The following MYO18A variants were observed in gnomAD, a reference collection of about 807,000 sequenced individuals.
The protein encoded by MYO18A is unconventional myosin-XVIIIa.
A neutral mutation model predicts 235.8 loss-of-function variants in MYO18A; 78 were observed. The ratio of observed to expected loss-of-function variants is 0.33; its 90% CI spans 0.28 to 0.40. The LOEUF (loss-of-function observed/expected upper bound fraction) is 0.40, where lower values mean the gene tolerates loss of function less well. Among genes scored for constraint, MYO18A ranks in the 10% least tolerant of loss-of-function variants. MYO18A has a pLI of 1.00. For synonymous variants in MYO18A, 977 were observed against 1,077.8 expected, an observed-to-expected ratio of 0.91 and a Z score of 1.83; for missense variants, 2,215 against 2,699.3, an observed-to-expected ratio of 0.82 and a Z score of 3.98.
Position 29,073,295 on chromosome 17 carries a change from G to A in MYO18A, c.*1475C>T, listed in dbSNP as rs2065907507. On this transcript the variant is annotated 3_prime_UTR_variant, in exon 42 of 42. Coordinates refer to ENST00000527372, the MANE Select transcript of MYO18A (RefSeq NM_078471.4). ...CTAGGCTCTTCACATAAAAGGTGGG[G>A]CTTGTGTCTTCCTTGGCCAATCCCC... 1 of 152,596 alleles carries A rather than the reference G, an allele frequency of 6.6e-6. No homozygotes were observed. Among genetic ancestry groups the A allele is most frequent in the Non-Finnish European group, 1.5e-5 (1 of 68,366 alleles). The allele number at this position is 152,596 out of a possible 1,614,324, so 9.5% of individuals were successfully genotyped here.
chr17:29,079,887 G>A (rs937971388), intron 41 of MYO18A: 1 of 985,812 alleles, frequency 1.0e-6, no homozygotes, highest in Admixed American at 6.1e-5. Flanking sequence ...TGTGGCTGGA[G>A]ACGGTCGAGC....
At chr17:29,092,598 G>A in intron 33 of MYO18A, 142 bp from the exon 34 acceptor site, 1 of 812,566 alleles carries the variant, frequency 1.2e-6, no homozygotes. Flanking sequence ...GCTGTGTGGT[G>A]GTGCACGCGT....
At chr17:29,133,461 TC>T (rs1459606107) in intron 2 of MYO18A, among the ~76,000 whole-genome samples, 9 of 152,090 alleles carry the variant, frequency 5.9e-5, no homozygotes, top group Non-Finnish European at 1.2e-4. Flanking sequence ...CAGCGGTCCC[TC>T]CACAGCAGCC....
At chr17:29,162,676 C>A (rs1159459790) in intron 2 of MYO18A, among the ~76,000 whole-genome samples, 1 of 152,222 alleles carries the variant, frequency 6.6e-6, no homozygotes, top group Non-Finnish European at 1.5e-5. Context: ...GGATTATGTG[C>A]TGCTCACCGC....
chr17:29,121,600 G>A lies in MYO18A; in HGVS notation c.1318C>T (p.Pro440Ser). Residue 440 changes from proline to serine, a missense_variant, in exon 5 of 42, where the codon CCC becomes TCC. Physicochemically the swap from Pro to Ser is moderately conservative, Grantham distance 74 (BLOSUM62 -1). Transcript: ENST00000527372. The surrounding 1 kb of genome is among the most constrained non-coding windows in gnomAD (Gnocchi z 4.2). Reference sequence around the variant, plus strand: ...CGGGGGCCAAGAACCAGCAGGCTGGGGCCAGCATACGTGTGCAGCAGGCTA... The same window carrying A: ...CGGGGGCCAAGAACCAGCAGGCTGGAGCCAGCATACGTGTGCAGCAGGCTA... ...GASLLHTYAG[P>S]SLLVLGPRGA... 6.3e-7 allele frequency: 1 copy of A among 1,599,762 alleles called. No individual in the cohort carries two copies. Among genetic ancestry groups the A allele is most frequent in the East Asian group, 2.3e-5 (1 of 44,214 alleles).
intron 2 of MYO18A, among the ~76,000 whole-genome samples, chr17:29,145,795 C>T (rs2067834776): frequency 6.6e-6 from 1 of 152,138 alleles, no homozygotes; most frequent in Non-Finnish European, 1.5e-5. Context: ...AAGTCAGGGA[C>T]GTCAATAACA....
At position 29,169,084 on chromosome 17, in the gene MYO18A, C is replaced by T. The variant is rs973489985; in HGVS notation, c.-81-2063G>A. 2.0e-5 allele frequency among the ~76,000 whole-genome samples: 3 copies of T among 151,766 alleles called. No individual in the cohort carries two copies. In the South Asian group the frequency reaches 6.3e-4, roughly 32 times the overall value. On this transcript the variant is annotated intron_variant, in intron 1 of 41. Transcript: ENST00000527372. ...ATTCGGGTGGCTGAGGCATGAGAAT[C>T]ACTTGAACCCAGGAGGCAGAGGTGG...
intron 2 of MYO18A, among the ~76,000 whole-genome samples, chr17:29,145,235 A>C (rs2067822928): frequency 6.6e-6 from 1 of 152,188 alleles, no homozygotes; most frequent in African/African-American, 2.4e-5. Flanking sequence ...GTTCCACGAA[A>C]ATCCATATGG....
intron 2 of MYO18A, among the ~76,000 whole-genome samples, chr17:29,148,884 C>T (rs570892052): frequency 1.3e-5 from 2 of 152,284 alleles, no homozygotes; most frequent in South Asian, 4.1e-4. Context: ...CTGTGAGGGC[C>T]GAGTCAGCCC....
Position 29,111,404 on chromosome 17 carries a change from G to T in MYO18A, c.2900+20C>A, listed in dbSNP as rs370350303. 1 of 1,609,438 alleles carries T rather than the reference G, an allele frequency of 6.2e-7. No homozygotes were observed. The highest frequency in any genetic ancestry group is 1.3e-5 in the African/African-American group (1 of 74,988). ...ACAGTCCTGGGTACAGAACAGGGGCGGAGGGAGTGGTGGTCTTACTTCTGG... is the reference window on the plus strand; with the variant it reads ...ACAGTCCTGGGTACAGAACAGGGGCTGAGGGAGTGGTGGTCTTACTTCTGG... On this transcript the variant is annotated intron_variant, in intron 17 of 41. Coordinates refer to ENST00000527372, the MANE Select transcript of MYO18A (RefSeq NM_078471.4). This position sits in a 1 kb window ranked among gnomAD's most constrained non-coding sequence, Gnocchi z 5.1.
chr17:29,100,544 A>G (rs1304824169), intron 21 of MYO18A, among the ~76,000 whole-genome samples: 1 of 152,164 alleles, frequency 6.6e-6, no homozygotes, highest in Admixed American at 6.5e-5. Flanking sequence ...CCTTTCCTTA[A>G]CACTCTGTGC....
At position 29,140,206 on chromosome 17, in the gene MYO18A, G is replaced by A; in HGVS notation, c.1000-17953C>T. The A allele has an allele frequency of 2.0e-6, 1 of 510,776 alleles. No individual in the cohort carries two copies. The highest frequency in any genetic ancestry group is 2.9e-6 in the Non-Finnish European group (1 of 346,908). 31.6% of individuals were successfully genotyped at this position (510,776 alleles called of 1,614,324 possible). On this transcript the variant is annotated intron_variant, in intron 2 of 41. Coordinates refer to ENST00000527372, the MANE Select transcript of MYO18A (RefSeq NM_078471.4). This position sits in a 1 kb window ranked among gnomAD's most constrained non-coding sequence, Gnocchi z 4.2. Reference sequence around the variant, plus strand: ...AAGAAGCTCGGAGAGGAGCCCCAAGGCTGCCCCACCCCTCTCCCCACCTAC... The same window carrying A: ...AAGAAGCTCGGAGAGGAGCCCCAAGACTGCCCCACCCCTCTCCCCACCTAC...
chr17:29,091,907 A>G, intron 34 of MYO18A: 1 of 327,442 alleles, frequency 3.1e-6, no homozygotes, highest in Non-Finnish European at 6.0e-6. Flanking sequence ...GGGAGGCATT[A>G]AATAAGAGCT....
chr17:29,102,169 C>T (rs2066669461), intron 21 of MYO18A, among the ~76,000 whole-genome samples: 2 of 152,234 alleles, frequency 1.3e-5, no homozygotes, highest in Non-Finnish European at 2.9e-5. Context: ...CTCAGCCGGG[C>T]ACCTGGCATG....
intron 39 of MYO18A, among the ~76,000 whole-genome samples, chr17:29,086,082 T>C (rs1451547233): frequency 6.6e-6 from 1 of 152,234 alleles, no homozygotes; most frequent in Non-Finnish European, 1.5e-5. Context: ...TATGAGAAAA[T>C]CTCTGGCATA....
At chr17:29,127,781 G>A (rs1197831438) in intron 2 of MYO18A, 23 of 899,524 alleles carry the variant, frequency 2.6e-5, no homozygotes, top group African/African-American at 9.0e-5. Flanking sequence ...TGGGGAAGCC[G>A]GCTGTGAGGG....
At chr17:29,148,113 GA>G (rs2067886650) in intron 2 of MYO18A, among the ~76,000 whole-genome samples, 2 of 151,646 alleles carry the variant, frequency 1.3e-5, no homozygotes, top group African/African-American at 4.9e-5. Context: ...TAAAGCTTGG[GA>G]AGATATATTT....
rs978338514 is a variant in MYO18A, at chr17:29,073,977, C to T, written c.*793G>A. Reference sequence around the variant, plus strand: ...TGGAATGGGTTTACCTTAAATAGGTCATTGCACATAACACGCTGAGACAAA... The same window carrying T: ...TGGAATGGGTTTACCTTAAATAGGTTATTGCACATAACACGCTGAGACAAA... On this transcript the variant is annotated 3_prime_UTR_variant, in exon 42 of 42. Coordinates refer to ENST00000527372, the MANE Select transcript of MYO18A (RefSeq NM_078471.4). 2 of 1,613,838 alleles carry T rather than the reference C, an allele frequency of 1.2e-6. No homozygotes were observed. Among genetic ancestry groups the T allele is most frequent in the Non-Finnish European group, 1.7e-6 (2 of 1,179,932 alleles).
intron 24 of MYO18A, 40 bp downstream of exon 24, chr17:29,098,316 G>A (rs1402356874): frequency 6.2e-7 from 1 of 1,612,740 alleles, no homozygotes; most frequent in Non-Finnish European, 8.5e-7. Flanking sequence ...GGGTCTCCCT[G>A]CAGCCATGCC....
Sources: allele counts gnomAD v4.1 joint callset (sites outside exome capture counted in the v4.1 genomes callset), GRCh38; gene constraint gnomAD v4.1.1; non-coding constraint Gnocchi (gnomAD v3.1); transcripts MANE v1.5; gene names NCBI Gene and HGNC (gene_info 2026-07-23, HGNC 2026-07-21).